Variants in LRRC28 observed in about 807,000 individuals in gnomAD.
LRRC28 encodes the protein leucine rich repeat containing 28.
LRRC28 carries 39 observed loss-of-function variants against 45.7 expected under a neutral mutation model. The observed-to-expected ratio is 0.85, with a 90% confidence interval of 0.66 to 1.12. LRRC28 has a LOEUF of 1.12. Among genes scored for constraint, LRRC28 ranks in the 50% most tolerant of loss-of-function variants. The pLI is 0.00. For missense variants in LRRC28, 435 were observed against 438.5 expected, an observed-to-expected ratio of 0.99 and a Z score of 0.07; for synonymous variants, 206 against 178.8, an observed-to-expected ratio of 1.15 and a Z score of -1.22.
intron 3 of LRRC28, among the ~76,000 whole-genome samples, chr15:99,281,596 C>T (rs967676769): frequency 6.6e-6 from 1 of 152,038 alleles, no homozygotes; most frequent in African/African-American, 2.4e-5. Context: ...GATTTTTCTC[C>T]TGGTTATGGG....
At chr15:99,321,358 TTC>T (rs1394204568) in intron 5 of LRRC28, among the ~76,000 whole-genome samples, 1 of 152,222 alleles carries the variant, frequency 6.6e-6, no homozygotes, top group African/African-American at 2.4e-5. Flanking sequence ...TTACATTTAT[TTC>T]TGTAAAACTG....
At position 99,258,368 on chromosome 15, in the gene LRRC28, G is replaced by C. The variant is rs2081089927; in HGVS notation, c.168+2243G>C. The C allele has an allele frequency of 6.6e-6, 8 of 1,217,012 alleles. No homozygotes were observed. The East Asian group carries it at 1.4e-4, about 21-fold the overall frequency. 75.4% of individuals were successfully genotyped at this position (1,217,012 alleles called of 1,614,324 possible). On this transcript the variant is annotated intron_variant, in intron 2 of 9. Transcript: ENST00000301981. ...AGGACGGGGAACGACCATTACCCTT[G>C]TCTTAAAAGAAAAAGCATTTGATTA...
At chr15:99,377,844 G>A (rs1159637174) in intron 9 of LRRC28, among the ~76,000 whole-genome samples, 1 of 152,196 alleles carries the variant, frequency 6.6e-6, no homozygotes, top group East Asian at 1.9e-4. Context: ...TCAAAGATCA[G>A]ATGGTTGTAG....
At chr15:99,370,414 A>G (rs1178450023) in intron 9 of LRRC28, among the ~76,000 whole-genome samples, 1 of 152,068 alleles carries the variant, frequency 6.6e-6, no homozygotes, top group African/African-American at 2.4e-5. Context: ...GTGTGTGTGT[A>G]TGGTTTGGGT....
chr15:99,363,210 G>A lies in LRRC28; in HGVS notation c.976G>A (p.Val326Ile), dbSNP rs762033216. 5.0e-6 allele frequency: 8 copies of A among 1,614,026 alleles called. No individual in the cohort carries two copies. Among genetic ancestry groups the A allele is most frequent in the South Asian group, 2.2e-5 (2 of 91,080 alleles). The change falls in exon 9 of 10, where the codon GTC becomes ATC. Residue 326 changes from valine (V) to isoleucine (I), a missense_variant. By Grantham distance (29) the Val-to-Ile change is conservative. Transcript: ENST00000301981. The stretch of plus-strand genomic sequence containing the variant: ...GTGTAGTGAGCCTATGTTTACCATC[G>A]TCTACCCCAAGCTCTTTCCCTTGAG... Reference protein sequence around the residue: ...HRCSEPMFTIVYPKLFPLRET... With the variant: ...HRCSEPMFTIIYPKLFPLRET...
At chr15:99,367,634 G>T (rs1188569003) in intron 9 of LRRC28, among the ~76,000 whole-genome samples, 1 of 152,114 alleles carries the variant, frequency 6.6e-6, no homozygotes, top group African/African-American at 2.4e-5. Context: ...TCAAACCATA[G>T]CACTTGAGTT....
intron 5 of LRRC28, among the ~76,000 whole-genome samples, chr15:99,294,575 A>T (rs1322988025): frequency 6.6e-6 from 1 of 152,160 alleles, no homozygotes; most frequent in South Asian, 2.1e-4. Context: ...GTGCCAGCAG[A>T]TCTGGTGAGG....
chr15:99,364,216 G>T (rs1458737279), intron 9 of LRRC28, among the ~76,000 whole-genome samples: 1 of 152,172 alleles, frequency 6.6e-6, no homozygotes, highest in Non-Finnish European at 1.5e-5. Flanking sequence ...CAGGCTGTGG[G>T]ACTTCTCAAA....
At chr15:99,269,081 T>A (rs1334802715) in intron 2 of LRRC28, among the ~76,000 whole-genome samples, 4 of 152,288 alleles carry the variant, frequency 2.6e-5, no homozygotes, top group Middle Eastern at 3.4e-3. Flanking sequence ...TATAGTTTTT[T>A]TTATTTTGAG....
intron 2 of LRRC28, chr15:99,260,161 G>T (rs78117606): frequency 0.044 from 11,585 of 265,288 alleles, 375 homozygotes; most frequent in Non-Finnish European, 0.06. Context: ...TGGGTTACAA[G>T]AAGAAGTGGG....
chr15:99,348,744 G>A (rs912635784), intron 6 of LRRC28, among the ~76,000 whole-genome samples: 2 of 146,364 alleles, frequency 1.4e-5, no homozygotes, highest in Non-Finnish European at 3.0e-5. Context: ...GGTTTTTTTT[G>A]TTGTTTTTTT....
chr15:99,312,178 T>G (rs961013015), intron 5 of LRRC28, among the ~76,000 whole-genome samples: 1 of 152,184 alleles, frequency 6.6e-6, no homozygotes, highest in Non-Finnish European at 1.5e-5. Context: ...CATCATAGAG[T>G]ACACTTACAT....
At chr15:99,364,690 TG>T (rs1325751636) in intron 9 of LRRC28, among the ~76,000 whole-genome samples, 1 of 152,206 alleles carries the variant, frequency 6.6e-6, no homozygotes, top group African/African-American at 2.4e-5. Context: ...TGACCATCCC[TG>T]AGCTTAGTCT....
At chr15:99,367,369 G>A (rs776513796) in intron 9 of LRRC28, among the ~76,000 whole-genome samples, 1 of 152,234 alleles carries the variant, frequency 6.6e-6, no homozygotes, top group East Asian at 1.9e-4. Context: ...GTCCAAGATC[G>A]AGTGGCCACG....
chr15:99,374,270 T>C (rs1957563179), intron 9 of LRRC28, among the ~76,000 whole-genome samples: 1 of 152,252 alleles, frequency 6.6e-6, no homozygotes, highest in South Asian at 2.1e-4. Context: ...TTTACTTCTT[T>C]CGTCAGCATC....
chr15:99,251,744 A>C (rs1169023180), intron 1 of LRRC28: 2 of 152,156 alleles, frequency 1.3e-5, no homozygotes, highest in Admixed American at 1.3e-4. Flanking sequence ...GGACCCGAGA[A>C]CCCTGATACC....
chr15:99,344,243 C>G (rs746465383), intron 6 of LRRC28, among the ~76,000 whole-genome samples: 29 of 152,202 alleles, frequency 1.9e-4, no homozygotes, highest in African/African-American at 2.7e-4. Flanking sequence ...GAAAGGTACT[C>G]TTATCCCCTT....
intron 5 of LRRC28, among the ~76,000 whole-genome samples, chr15:99,310,788 C>CAACACTATACT (rs1955377180): frequency 1.3e-5 from 2 of 152,290 alleles, no homozygotes; most frequent in South Asian, 4.1e-4. Flanking sequence ...GGTGGCCTGC[C>CAACACTATACT]AACACTATAC....
chr15:99,387,227 A>AC lies in LRRC28; in HGVS notation c.*1125_*1126insC, dbSNP rs1958041026. The AC allele has an allele frequency of 6.8e-6, 1 of 147,590 alleles. No homozygotes were observed. The highest frequency in any genetic ancestry group is 2.3e-4 in the South Asian group (1 of 4,422). 9.1% of individuals were successfully genotyped at this position (147,590 alleles called of 1,614,324 possible). Reference sequence around the variant, plus strand: ...AGGCGCCCGCCACCACGCCCGGCTAATTTTTTGTATTTTTAGTAGAGACGG... The same window carrying AC: ...AGGCGCCCGCCACCACGCCCGGCTAACTTTTTTGTATTTTTAGTAGAGACGG... On this transcript the variant is annotated 3_prime_UTR_variant, in exon 10 of 10. Coordinates refer to ENST00000301981, the MANE Select transcript of LRRC28 (RefSeq NM_144598.5).
Sources: gnomAD v4.1 joint callset for allele counts (sites outside exome capture counted in the v4.1 genomes callset) on GRCh38, gnomAD v4.1.1 for gene constraint, MANE v1.5 for transcripts, NCBI Gene and HGNC (gene_info 2026-07-23, HGNC 2026-07-21) for gene names.